Variants in HS3ST4 observed in about 807,000 individuals in gnomAD.
HS3ST4 encodes the protein heparan sulfate glucosamine 3-O-sulfotransferase 4.
In HS3ST4, 17 loss-of-function variants were observed where a neutral mutation model predicts 29.2. The observed-to-expected ratio is 0.58, with a 90% CI of 0.40 to 0.87. The LOEUF (loss-of-function observed/expected upper bound fraction) is 0.87, where lower values mean the gene tolerates loss of function less well. HS3ST4 is among the 40% of genes least tolerant of loss of function. The probability of loss-of-function intolerance (pLI) is 0.00; values close to 1 mark genes in which losing one functional copy is unlikely to be tolerated. For synonymous variants in HS3ST4, 314 were observed against 285.7 expected (o/e 1.10, Z -1.00); for missense variants, 627 against 634.5 (o/e 0.99, Z 0.13).
chr16:26,008,945 G>T (rs183039493), intron 1 of HS3ST4, among the ~76,000 whole-genome samples: 36 of 152,298 alleles, frequency 2.4e-4, no homozygotes, highest in Middle Eastern at 3.4e-3. Context: ...CAGCACCCAC[G>T]CCTAGCATGC....
chr16:26,019,456 C>T (rs539175201), intron 1 of HS3ST4, among the ~76,000 whole-genome samples: 48 of 152,202 alleles, frequency 3.2e-4, no homozygotes, highest in South Asian at 2.1e-4. Flanking sequence ...TTTATGGTAA[C>T]GACTCTGCAT....
At position 26,135,748 on chromosome 16, in the gene HS3ST4, G is replaced by T; in HGVS notation, c.871G>T (p.Val291Leu). The change falls in exon 2 of 2, where the codon GTG becomes TTG. Residue 291 changes from valine (V) to leucine (L), a missense_variant. Val to Leu is a conservative substitution (Grantham distance 32, BLOSUM62 1). Coordinates refer to ENST00000331351, the MANE Select transcript of HS3ST4 (RefSeq NM_006040.3). ...ACTGATTGTGGTGGTGAGAAACCCC[G>T]TGACCAGGGCCATCTCTGACTACAC... The part of the protein sequence containing the change: ...IKLIVVVRNP[V>L]TRAISDYTQT... 2 of 1,614,128 alleles carry T rather than the reference G, an allele frequency of 1.2e-6. No homozygotes were observed. Among genetic ancestry groups the T allele is most frequent in the Non-Finnish European group, 1.7e-6 (2 of 1,180,004 alleles).
At chr16:25,873,524 G>A (rs149321096) in intron 1 of HS3ST4, among the ~76,000 whole-genome samples, 50,194 of 128,374 alleles carry the variant, frequency 0.39, 9,181 homozygotes, top group East Asian at 0.56. Flanking sequence ...CTATCTATCT[G>A]TCTATCTATC....
chr16:26,122,570 T>A (rs1899290281), intron 1 of HS3ST4, among the ~76,000 whole-genome samples: 1 of 152,190 alleles, frequency 6.6e-6, no homozygotes, highest in East Asian at 1.9e-4. Context: ...TCCCAAATGC[T>A]TGCGCACCTC....
rs534171482 is a variant in HS3ST4, at chr16:25,909,591, C to G, written c.734+216440C>G. Among the ~76,000 whole-genome samples the G allele has an allele frequency of 1.2e-4, 18 of 150,784 alleles. No individual in the cohort carries two copies. The East Asian group carries it at 2.2e-3, about 18-fold the overall frequency. Reference sequence around the variant, plus strand: ...AGTTGGGAGGAGCTAGGGAACATAGCCTGCCATCTACACATGGATATGTAC... The same window carrying G: ...AGTTGGGAGGAGCTAGGGAACATAGGCTGCCATCTACACATGGATATGTAC... On this transcript the variant is annotated intron_variant, in intron 1 of 1. Coordinates refer to ENST00000331351, the MANE Select transcript of HS3ST4 (RefSeq NM_006040.3).
chr16:26,009,967 C>T (rs756047157), intron 1 of HS3ST4, among the ~76,000 whole-genome samples: 15 of 152,168 alleles, frequency 9.9e-5, no homozygotes, highest in Admixed American at 3.3e-4. Flanking sequence ...CCTAGCAACA[C>T]GGGCCGTATC....
intron 1 of HS3ST4, among the ~76,000 whole-genome samples, chr16:25,939,653 G>T (rs1968554091): frequency 6.6e-6 from 1 of 152,074 alleles, no homozygotes; most frequent in Admixed American, 6.5e-5. Flanking sequence ...TTTTTGAAAG[G>T]TAAACATCCT....
intron 1 of HS3ST4, among the ~76,000 whole-genome samples, chr16:25,832,842 A>G (rs1008348180): frequency 1.3e-5 from 2 of 152,200 alleles, no homozygotes; most frequent in African/African-American, 4.8e-5. Flanking sequence ...CTGATAGCAC[A>G]ATTTGCAGCA....
At chr16:25,800,728 GA>G (rs1265697909) in intron 1 of HS3ST4, among the ~76,000 whole-genome samples, 1 of 152,120 alleles carries the variant, frequency 6.6e-6, no homozygotes, top group African/African-American at 2.4e-5. Context: ...ATCATGTGAA[GA>G]GGTGGGGCCT....
intron 1 of HS3ST4, among the ~76,000 whole-genome samples, chr16:26,085,551 G>A (rs1898776256): frequency 6.6e-6 from 1 of 152,028 alleles, no homozygotes; most frequent in Non-Finnish European, 1.5e-5. Flanking sequence ...CAGGTAGTTG[G>A]TTATAGGTGA....
intron 1 of HS3ST4, among the ~76,000 whole-genome samples, chr16:25,996,138 C>A (rs1361099372): frequency 6.6e-6 from 1 of 152,080 alleles, no homozygotes; most frequent in Non-Finnish European, 1.5e-5. Context: ...GATTTGGGAC[C>A]AAAGCACCTT....
At chr16:26,123,144 A>T (rs555625032) in intron 1 of HS3ST4, among the ~76,000 whole-genome samples, 1 of 152,106 alleles carries the variant, frequency 6.6e-6, no homozygotes, top group African/African-American at 2.4e-5. Flanking sequence ...GTGCACCACA[A>T]TGCTAGCAGT....
At chr16:25,735,650 C>G (rs1353971746) in intron 1 of HS3ST4, among the ~76,000 whole-genome samples, 1 of 152,176 alleles carries the variant, frequency 6.6e-6, no homozygotes, top group Non-Finnish European at 1.5e-5. Context: ...CGTGGCCTCC[C>G]TAAGTGCTGG....
chr16:26,042,190 T>A (rs1363198570), intron 1 of HS3ST4, among the ~76,000 whole-genome samples: 1 of 152,196 alleles, frequency 6.6e-6, no homozygotes, highest in Non-Finnish European at 1.5e-5. Flanking sequence ...CGCCCCAGCA[T>A]CAAACCCTCC....
intron 1 of HS3ST4, among the ~76,000 whole-genome samples, chr16:25,906,224 T>A (rs1472129950): frequency 6.6e-6 from 1 of 152,142 alleles, no homozygotes. Flanking sequence ...TGGGAGGCAG[T>A]CTCACTTTTT....
chr16:25,818,852 A>C (rs1053119672), intron 1 of HS3ST4, among the ~76,000 whole-genome samples: 3 of 151,096 alleles, frequency 2.0e-5, no homozygotes, highest in Non-Finnish European at 4.4e-5. Flanking sequence ...TGATGTTCTC[A>C]GTAGTGGTGA....
intron 1 of HS3ST4, among the ~76,000 whole-genome samples, chr16:25,802,927 ATGTGTGTGTGTG>A (rs71158967): frequency 7.4e-4 from 76 of 102,014 alleles, no homozygotes; most frequent in Non-Finnish European, 1.4e-3. Context: ...TAAGTTATAT[ATGTGTGTGTGTG>A]TGTGTGTGTG....
At chr16:26,073,362 C>T (rs1898622815) in intron 1 of HS3ST4, among the ~76,000 whole-genome samples, 3 of 67,160 alleles carry the variant, frequency 4.5e-5, no homozygotes, top group African/African-American at 1.7e-4. Flanking sequence ...CAGATCTTTT[C>T]TTTTCTTTTC....
intron 1 of HS3ST4, among the ~76,000 whole-genome samples, chr16:26,049,230 A>G (rs549793590): frequency 2.0e-5 from 3 of 152,180 alleles, no homozygotes; most frequent in Middle Eastern, 3.4e-3. Context: ...GTAATGACAC[A>G]TATTAGGAAG....
Sources: gnomAD v4.1 joint callset for allele counts (sites outside exome capture counted in the v4.1 genomes callset) on GRCh38, gnomAD v4.1.1 for gene constraint, MANE v1.5 for transcripts, NCBI Gene and HGNC (gene_info 2026-07-23, HGNC 2026-07-21) for gene names.